The following RBMS1 variants were observed in gnomAD, a reference collection of about 807,000 sequenced individuals.
RBMS1 encodes the protein RNA-binding motif, single-stranded-interacting protein 1.
A neutral mutation model predicts 62.3 loss-of-function variants in RBMS1; 17 were observed. That is an observed-to-expected ratio of 0.27 (90% CI 0.19 to 0.41). RBMS1 has a LOEUF of 0.41. Among genes scored for constraint, RBMS1 ranks in the 10% least tolerant of loss-of-function variants. The pLI is 1.00. For synonymous variants in RBMS1, 172 were observed against 170.0 expected, an observed-to-expected ratio of 1.01 and a Z score of -0.09; for missense variants, 334 against 504.5, an observed-to-expected ratio of 0.66 and a Z score of 3.24.
At position 160,349,553 on chromosome 2, in the gene RBMS1, A is replaced by AAGAGAG. The variant is rs372260654; in HGVS notation, c.251+17657_251+17662dup. 7.1e-3 allele frequency among the ~76,000 whole-genome samples: 1,019 copies of AAGAGAG among 142,820 alleles called. 10 individuals are homozygous for AAGAGAG. Among genetic ancestry groups the AAGAGAG allele is most frequent in the African/African-American group, 0.021 (808 of 38,404 alleles). 93.7% of individuals were successfully genotyped at this position (142,820 alleles called of 152,430 possible). A position where few individuals can be genotyped will look rare whatever the true frequency, so the allele number is the denominator to read the frequency against. On this transcript the variant is annotated intron_variant, in intron 2 of 13. Coordinates refer to ENST00000348849, the MANE Select transcript of RBMS1 (RefSeq NM_016836.4). ...TTTAGTTGCTCATCTCAGAGACAGA[A>AAGAGAG]AGAGAGAGAGAGAGAGAGAGAGAGA...
intron 1 of RBMS1, among the ~76,000 whole-genome samples, chr2:160,466,431 A>G (rs1440018974): frequency 2.0e-5 from 3 of 152,162 alleles, no homozygotes; most frequent in Admixed American, 6.5e-5. Context: ...ATCCATGTGA[A>G]AATGAGACAC....
chr2:160,311,237 T>TATATATATAG (rs1689878303), intron 4 of RBMS1, among the ~76,000 whole-genome samples: 1 of 132,552 alleles, frequency 7.5e-6, no homozygotes, highest in Non-Finnish European at 1.6e-5. Context: ...TCTATCTATA[T>TATATATATAG]ATATATATAT....
intron 9 of RBMS1, chr2:160,282,235 GGAA>G: frequency 1.5e-6 from 2 of 1,367,164 alleles, no homozygotes; most frequent in Non-Finnish European, 2.0e-6. Flanking sequence ...GAGTCATGGG[GGAA>G]GAATGTATTG....
At chr2:160,382,845 A>ATT (rs879824469) in intron 1 of RBMS1, among the ~76,000 whole-genome samples, 1 of 147,972 alleles carries the variant, frequency 6.8e-6, no homozygotes, top group African/African-American at 2.5e-5. Flanking sequence ...AGTTTACTTA[A>ATT]TTTTTTTTTT....
intron 1 of RBMS1, among the ~76,000 whole-genome samples, chr2:160,481,385 A>G (rs1458361572): frequency 6.6e-6 from 1 of 151,778 alleles, no homozygotes; most frequent in Non-Finnish European, 1.5e-5. Flanking sequence ...AAAATTCACA[A>G]TCTTAAAGTA....
At chr2:160,380,016 CT>C (rs1694198717) in intron 1 of RBMS1, among the ~76,000 whole-genome samples, 1 of 152,124 alleles carries the variant, frequency 6.6e-6, no homozygotes, top group African/African-American at 2.4e-5. Flanking sequence ...CATTATAAAT[CT>C]TTTTTCTTTG....
intron 1 of RBMS1, among the ~76,000 whole-genome samples, chr2:160,389,972 T>G (rs1364193691): frequency 6.6e-6 from 1 of 152,056 alleles, no homozygotes; most frequent in Non-Finnish European, 1.5e-5. Flanking sequence ...GAAACTTAAG[T>G]TTTAATGCTA....
intron 6 of RBMS1, among the ~76,000 whole-genome samples, chr2:160,298,217 C>T (rs549408165): frequency 6.6e-6 from 1 of 152,078 alleles, no homozygotes; most frequent in African/African-American, 2.4e-5. Context: ...GAGTCCAGTC[C>T]TGGGTTTCTA....
chr2:160,482,544 A>G (rs1209149010), intron 1 of RBMS1, among the ~76,000 whole-genome samples: 2 of 152,202 alleles, frequency 1.3e-5, no homozygotes, highest in Non-Finnish European at 2.9e-5. Context: ...AATTAAACTG[A>G]CCAGGTATTT....
chr2:160,413,359 A>C (rs775339686), intron 1 of RBMS1, among the ~76,000 whole-genome samples: 68 of 152,280 alleles, frequency 4.5e-4, no homozygotes, highest in Non-Finnish European at 8.2e-4. Context: ...AAGAAGAAAA[A>C]ATAGGGGGTC....
intron 1 of RBMS1, among the ~76,000 whole-genome samples, chr2:160,433,599 G>T (rs917465245): frequency 3.9e-5 from 6 of 152,124 alleles, no homozygotes; most frequent in African/African-American, 1.4e-4. Context: ...TTTGATTCCT[G>T]GATTTACATA....
chr2:160,280,528 A>G (rs1337746872), intron 10 of RBMS1, among the ~76,000 whole-genome samples: 1 of 152,188 alleles, frequency 6.6e-6, no homozygotes, highest in Admixed American at 6.5e-5. Flanking sequence ...GGCCAAGAAT[A>G]CAGTTCTTTT....
intron 1 of RBMS1, among the ~76,000 whole-genome samples, chr2:160,426,297 AGAAGGAAGGAAGGAAG>A (rs565449663): frequency 3.6e-5 from 2 of 56,168 alleles, no homozygotes; most frequent in African/African-American, 1.3e-4. Context: ...AAGAAAAGAA[AGAAGGAAGGAAGGAAG>A]GAAGGAAGGA....
At chr2:160,341,362 A>C (rs1455195365) in intron 2 of RBMS1, among the ~76,000 whole-genome samples, 1 of 152,082 alleles carries the variant, frequency 6.6e-6, no homozygotes, top group Non-Finnish European at 1.5e-5. Flanking sequence ...CCTTCCCTCT[A>C]CCAGCACCCA....
chr2:160,326,510 T>C (rs1002400347), intron 2 of RBMS1, among the ~76,000 whole-genome samples: 1 of 152,278 alleles, frequency 6.6e-6, no homozygotes, highest in South Asian at 2.1e-4. Context: ...TAGTGAGTTA[T>C]GGAAACTTAA....
chr2:160,323,626 A>C (rs936051816), intron 2 of RBMS1, among the ~76,000 whole-genome samples: 5 of 151,572 alleles, frequency 3.3e-5, no homozygotes, highest in African/African-American at 9.7e-5. Context: ...AAAAAAAAAA[A>C]AAAAACTGTG....
chr2:160,474,505 A>T (rs1159217580), intron 1 of RBMS1, among the ~76,000 whole-genome samples: 1 of 152,208 alleles, frequency 6.6e-6, no homozygotes, highest in Non-Finnish European at 1.5e-5. Flanking sequence ...AACCAGAAAC[A>T]CCACCTCTCA....
At chr2:160,479,081 C>T (rs1408797733) in intron 1 of RBMS1, among the ~76,000 whole-genome samples, 1 of 152,148 alleles carries the variant, frequency 6.6e-6, no homozygotes, top group African/African-American at 2.4e-5. Context: ...CTAATTACAA[C>T]AGGTAGTGAT....
At chr2:160,375,724 C>T (rs1693960317) in intron 1 of RBMS1, among the ~76,000 whole-genome samples, 1 of 152,102 alleles carries the variant, frequency 6.6e-6, no homozygotes, top group African/African-American at 2.4e-5. Context: ...AACACAAAAT[C>T]CCACCCAACT....
Sources: allele counts gnomAD v4.1 joint callset (sites outside exome capture counted in the v4.1 genomes callset), GRCh38; gene constraint gnomAD v4.1.1; transcripts MANE v1.5; gene names NCBI Gene and HGNC (gene_info 2026-07-23, HGNC 2026-07-21).